RNF10: variants seen among roughly 807,000 people sequenced by gnomAD.
RNF10 encodes the protein E3 ubiquitin-protein ligase RNF10.
RNF10 carries 38 observed loss-of-function variants against 91.4 expected under a neutral mutation model. The ratio of observed to expected loss-of-function variants is 0.42; its 90% CI spans 0.32 to 0.54. The LOEUF is 0.54. Ranked by LOEUF, RNF10 falls within the 20% of genes least tolerant of loss-of-function variation. The probability of loss-of-function intolerance (pLI) is 0.16; values close to 1 mark genes in which losing one functional copy is unlikely to be tolerated. For missense variants in RNF10, 945 were observed against 1,012.0 expected (o/e 0.93, Z 0.90); for synonymous variants, 364 against 366.3 (o/e 0.99, Z 0.07).
chr12:120,569,462 G>A (rs1335096139), intron 13 of RNF10, among the ~76,000 whole-genome samples: 3 of 151,752 alleles, frequency 2.0e-5, no homozygotes, highest in Non-Finnish European at 2.9e-5. Context: ...CTACTGTGAC[G>A]CTCTTCTGCT....
Position 120,566,978 on chromosome 12 carries a change from C to A in RNF10, c.2039C>A (p.Ala680Glu), listed in dbSNP as rs1288799550. 6.3e-7 allele frequency: 1 copy of A among 1,594,526 alleles called. No homozygotes were observed. The highest frequency in any genetic ancestry group is 2.2e-5 in the East Asian group (1 of 44,732). Residue 680 changes from alanine (A) to glutamate (E), a missense_variant and splice_region_variant, in exon 13 of 17, where the codon GCA becomes GAA. Transcript: ENST00000325954. ...SPLSRSPGSH[A>E]DFLLTPLSPT... ...CTCAGCAGAAGTCCAGGTTCCCATG[C>A]AGGTAAACAGGTGAAATTTAATGAA...
chr12:120,563,712 TGTGGCTTGG>T, intron 9 of RNF10, 89 bp downstream of exon 9: 12 of 1,578,568 alleles, frequency 7.6e-6, no homozygotes, highest in South Asian at 3.5e-5. Flanking sequence ...CACTAGATCC[TGTGGCTTGG>T]GTGGCTTGAG....
intron 3 of RNF10, chr12:120,553,812 A>G (rs1873549524): frequency 6.6e-6 from 1 of 151,910 alleles, no homozygotes; most frequent in Non-Finnish European, 1.5e-5. Flanking sequence ...CCTAGTCATA[A>G]TTGAAGATTT....
chr12:120,563,982 T>C (rs1875304775), intron 10 of RNF10, 39 bp downstream of exon 10: 3 of 1,612,954 alleles, frequency 1.9e-6, no homozygotes, highest in Non-Finnish European at 2.5e-6. Context: ...CAGGCAGCAG[T>C]ATTAACCTAA....
chr12:120,559,176 C>CT (rs34120761), intron 6 of RNF10, among the ~76,000 whole-genome samples: 25,304 of 89,810 alleles, frequency 0.28, 5,080 homozygotes, highest in East Asian at 0.36. Context: ...TTGAACTACT[C>CT]TTTTTTTTTT....
chr12:120,541,333 CT>C (rs1565944480), intron 1 of RNF10, among the ~76,000 whole-genome samples: 2 of 152,044 alleles, frequency 1.3e-5, no homozygotes, highest in Non-Finnish European at 2.9e-5. Flanking sequence ...TATACCTATC[CT>C]CGTAGAATCT....
At chr12:120,573,226 TTA>T (rs1330080628) in intron 14 of RNF10, among the ~76,000 whole-genome samples, 1 of 152,180 alleles carries the variant, frequency 6.6e-6, no homozygotes, top group African/African-American at 2.4e-5. Flanking sequence ...TGGTGCATAT[TTA>T]TATCTCCACA....
At chr12:120,552,267 C>T (rs1873217268) in intron 2 of RNF10, among the ~76,000 whole-genome samples, 1 of 151,604 alleles carries the variant, frequency 6.6e-6, no homozygotes, top group Non-Finnish European at 1.5e-5. Flanking sequence ...TGGTTTAATC[C>T]CACACGCCTG....
rs188863621 is a variant in RNF10, at chr12:120,576,651, C to T, written c.2421C>T (p.Val807=). 1.7e-5 allele frequency: 28 copies of T among 1,613,812 alleles called. No homozygotes were observed. The Admixed American group carries it at 2.5e-4, about 14-fold the overall frequency. Residue 807 remains valine (V), a synonymous_variant, in exon 17 of 17, where the codon GTC becomes GTT. Coordinates refer to ENST00000325954, the MANE Select transcript of RNF10 (RefSeq NM_014868.5). ...QKQKLLFSTS[V]VHTK is the part of the protein sequence containing the mutation. ...AGAAGCTCCTGTTCAGCACCTCAGT[C>T]GTCCACACCAAGTGACACTACTGGC...
intron 1 of RNF10, among the ~76,000 whole-genome samples, chr12:120,545,382 CA>C (rs1399215508): frequency 7.1e-6 from 1 of 141,192 alleles, no homozygotes; most frequent in Non-Finnish European, 1.5e-5. Context: ...TTAGTAGAGA[CA>C]GGATTTCACT....
intron 1 of RNF10, among the ~76,000 whole-genome samples, chr12:120,536,405 G>A (rs1024000058): frequency 6.6e-6 from 1 of 152,144 alleles, no homozygotes; most frequent in Admixed American, 6.5e-5. Context: ...TCCAGCCTGG[G>A]TAACAGAGAC....
At chr12:120,562,816 C>T (rs1356743335) in intron 7 of RNF10, 129 bp from the exon 8 acceptor site, 1 of 1,075,666 alleles carries the variant, frequency 9.3e-7, no homozygotes, top group Non-Finnish European at 1.4e-6. Context: ...GCACCTAATT[C>T]CTTCCCATTG....
intron 1 of RNF10, among the ~76,000 whole-genome samples, chr12:120,538,682 T>C (rs1871167157): frequency 6.6e-6 from 1 of 152,150 alleles, no homozygotes; most frequent in South Asian, 2.1e-4. Flanking sequence ...GTAGGCCGTT[T>C]ATGGGCAGGC....
chr12:120,545,355 T>TTG (rs1309891330), intron 1 of RNF10, among the ~76,000 whole-genome samples: 1 of 142,718 alleles, frequency 7.0e-6, no homozygotes, highest in East Asian at 2.1e-4. Context: ...CTAATTTTTT[T>TTG]TTTTTTTTTT....
chr12:120,560,351 A>G (rs1593092597), intron 6 of RNF10, among the ~76,000 whole-genome samples: 1 of 150,630 alleles, frequency 6.6e-6, no homozygotes, highest in South Asian at 2.1e-4. Context: ...ACGGGGTTTC[A>G]CCATGTTGGT....
Position 120,564,605 on chromosome 12 carries a change from GA to G in RNF10, c.1666-457del, listed in dbSNP as rs71451893. On this transcript the variant is annotated intron_variant, in intron 10 of 16. Transcript: ENST00000325954. ...GGCGGCAGAGCAAGACCATGTCTCA[GA>G]AAAAAAAAATTGGGCTTCATTTTCT... is the stretch of plus-strand genomic sequence containing the variant. Among the ~76,000 whole-genome samples, 4 of 150,160 alleles carry G rather than the reference GA, an allele frequency of 2.7e-5. No individual in the cohort carries two copies. The East Asian group carries it at 5.8e-4, about 22-fold the overall frequency.
At chr12:120,562,343 C>G (rs377281032) in intron 7 of RNF10, among the ~76,000 whole-genome samples, 2 of 136,840 alleles carry the variant, frequency 1.5e-5, no homozygotes, top group Non-Finnish European at 3.0e-5. Flanking sequence ...GGCGTGATCT[C>G]GGCTCATCAC....
Position 120,547,686 on chromosome 12 carries a change from A to G in RNF10, c.354+1085A>G, listed in dbSNP as rs947424554. On this transcript the variant is annotated intron_variant, in intron 2 of 16. Transcript: ENST00000325954. ...GTAGTGCGTTTATTGGTTTGAGGTA[A>G]AGCAAGTAGGCTACCGTAAGTGGAG... 3.9e-5 allele frequency among the ~76,000 whole-genome samples: 6 copies of G among 152,264 alleles called. No homozygotes were observed. The East Asian group carries it at 1.2e-3, about 29-fold the overall frequency.
At position 120,557,225 on chromosome 12, in the gene RNF10, T is replaced by C. The variant is rs1362743953; in HGVS notation, c.646-57T>C. ...GAGAGAGTAGAGAGGCCTAAAACTT[T>C]GACAGTCCCTAATCAGTTCTTCAAG... On this transcript the variant is annotated intron_variant, in intron 4 of 16. Coordinates refer to ENST00000325954, the MANE Select transcript of RNF10 (RefSeq NM_014868.5). 5.2e-6 allele frequency: 8 copies of C among 1,552,928 alleles called. No homozygotes were observed. The East Asian group carries it at 1.8e-4, about 35-fold the overall frequency.
Sources: gnomAD v4.1 joint callset for allele counts (sites outside exome capture counted in the v4.1 genomes callset) on GRCh38, gnomAD v4.1.1 for gene constraint, MANE v1.5 for transcripts, NCBI Gene and HGNC (gene_info 2026-07-23, HGNC 2026-07-21) for gene names.